The following KDELR2 variants were observed in gnomAD, a reference collection of about 807,000 sequenced individuals.
The protein encoded by KDELR2 is KDEL endoplasmic reticulum protein retention receptor 2.
Under a neutral mutation model 23.9 loss-of-function variants are expected in KDELR2, and 15 were observed. That is an observed-to-expected ratio of 0.63 (90% CI 0.42 to 0.97). The LOEUF is 0.97. Among genes scored for constraint, KDELR2 ranks in the 50% least tolerant of loss-of-function variants. The probability of loss-of-function intolerance (pLI) is 0.00; values close to 1 mark genes in which losing one functional copy is unlikely to be tolerated. For synonymous variants in KDELR2, 119 were observed against 106.2 expected (o/e 1.12, Z -0.74); for missense variants, 272 against 254.6 (o/e 1.07, Z -0.46).
Position 6,484,136 on chromosome 7 carries a change from G to A in KDELR2, c.-79C>T. On this transcript the variant is annotated 5_prime_UTR_variant, in exon 1 of 5. Coordinates refer to ENST00000258739, the MANE Select transcript of KDELR2 (RefSeq NM_006854.4). ...CTCAGGAGGCGGCGGCCCCTGAGAG[G>A]AAGCGGCGAAGATGGCGAGATCGCC... 1 of 1,127,318 alleles carries A rather than the reference G, an allele frequency of 8.9e-7. No individual in the cohort carries two copies. Among genetic ancestry groups the A allele is most frequent in the Non-Finnish European group, 1.1e-6 (1 of 888,934 alleles). 69.8% of individuals were successfully genotyped at this position (1,127,318 alleles called of 1,614,324 possible).
chr7:6,483,945 C>T, intron 1 of KDELR2, 22 bp downstream of exon 1: 1 of 1,491,158 alleles, frequency 6.7e-7, no homozygotes, highest in African/African-American at 1.4e-5. Context: ...CGAGCCTCTC[C>T]GGGCCTTCCC....
rs906852327 is a variant in KDELR2 at position 6,478,432 on chromosome 7, G to A, written c.92-4148C>T. Among the ~76,000 whole-genome samples, 15 of 151,986 alleles carry A rather than the reference G, an allele frequency of 9.9e-5. No individual in the cohort carries two copies. In the South Asian group the frequency reaches 2.3e-3, roughly 23 times the overall value. On this transcript the variant is annotated intron_variant, in intron 1 of 4. Transcript: ENST00000258739. ...CAAAGCGCTGCCACCACACCTGGCC[G>A]CACTGCTATTTTCATATTCAAATTC...
chr7:6,461,928 T>C lies in KDELR2; in HGVS notation c.*1213A>G, dbSNP rs765921701. 4 of 152,148 alleles carry C rather than the reference T, an allele frequency of 2.6e-5. No homozygotes were observed. Among genetic ancestry groups the C allele is most frequent in the Non-Finnish European group, 5.9e-5 (4 of 68,038 alleles). 9.4% of individuals were successfully genotyped at this position (152,148 alleles called of 1,614,324 possible). Reference sequence around the variant, plus strand: ...TACAGATGATTATGTGAACTTTAAATGTCTGCAGCCCTACAGAGCTTTTGT... The same window carrying C: ...TACAGATGATTATGTGAACTTTAAACGTCTGCAGCCCTACAGAGCTTTTGT... On this transcript the variant is annotated 3_prime_UTR_variant, in exon 5 of 5. Transcript: ENST00000258739.
At chr7:6,481,865 C>G (rs1046629735) in intron 1 of KDELR2, among the ~76,000 whole-genome samples, 3 of 152,178 alleles carry the variant, frequency 2.0e-5, no homozygotes, top group African/African-American at 7.2e-5. Context: ...CTTTGAGTTA[C>G]TAATTGTGCT....
chr7:6,480,524 G>A (rs955413185), intron 1 of KDELR2, among the ~76,000 whole-genome samples: 3 of 152,112 alleles, frequency 2.0e-5, no homozygotes, highest in African/African-American at 4.8e-5. Context: ...GGTCCTTAAA[G>A]GCAGCTGTTC....
In KDELR2 at chr7:6,469,662, C is replaced by A. The variant is rs774809209; in HGVS notation, c.285G>T (p.Val95=). ...CTCCCACAGGGACCACCAGAAACTC[C>A]ACTCGGAAGGTATCATGATTTCCAT... ...TYDGNHDTFR[V]EFLVVPVGGL... The change falls in exon 3 of 5, where the codon GTG becomes GTT. Residue 95 remains valine (V), a synonymous_variant. Coordinates refer to ENST00000258739, the MANE Select transcript of KDELR2 (RefSeq NM_006854.4). The A allele has an allele frequency of 6.2e-7, 1 of 1,614,064 alleles. No homozygotes were observed. Among genetic ancestry groups the A allele is most frequent in the Non-Finnish European group, 8.5e-7 (1 of 1,179,980 alleles).
At chr7:6,475,362 G>C (rs1040253939) in intron 1 of KDELR2, among the ~76,000 whole-genome samples, 1 of 152,178 alleles carries the variant, frequency 6.6e-6, no homozygotes, top group Non-Finnish European at 1.5e-5. Context: ...AGGAGGCTGA[G>C]GCTGAGTGAG....
chr7:6,465,954 G>C, intron 4 of KDELR2, 117 bp downstream of exon 4: 4 of 1,046,552 alleles, frequency 3.8e-6, no homozygotes, highest in Non-Finnish European at 5.6e-6. Context: ...GGCCAATCAT[G>C]AAAGTGTTTC....
intron 4 of KDELR2, among the ~76,000 whole-genome samples, chr7:6,463,583 T>A (rs916790194): frequency 6.6e-6 from 1 of 150,760 alleles, no homozygotes; most frequent in Non-Finnish European, 1.5e-5. Context: ...AAAAAAAAAA[T>A]TTTAAAAAGA....
intron 3 of KDELR2, among the ~76,000 whole-genome samples, chr7:6,468,045 G>A (rs1378143296): frequency 6.6e-6 from 1 of 152,210 alleles, no homozygotes; most frequent in East Asian, 1.9e-4. Context: ...GGGAGACCTT[G>A]TTCTTCCCAC....
intron 1 of KDELR2, among the ~76,000 whole-genome samples, chr7:6,478,949 C>T (rs546025681): frequency 2.0e-5 from 3 of 152,050 alleles, no homozygotes; most frequent in East Asian, 1.9e-4. Flanking sequence ...CCACCACGCC[C>T]GGGTAACTTT....
At chr7:6,478,445 C>A (rs938391698) in intron 1 of KDELR2, among the ~76,000 whole-genome samples, 1 of 152,128 alleles carries the variant, frequency 6.6e-6, no homozygotes, top group African/African-American at 2.4e-5. Flanking sequence ...CTGCTATTTT[C>A]ATATTCAAAT....
chr7:6,483,272 G>T (rs538635482), intron 1 of KDELR2, among the ~76,000 whole-genome samples: 1 of 152,332 alleles, frequency 6.6e-6, no homozygotes, highest in African/African-American at 2.4e-5. Context: ...TTAAAAACCA[G>T]ATCGTTTCCC....
At chr7:6,469,887 TTAAA>T in intron 2 of KDELR2, 133 bp from the exon 3 acceptor site, 1 of 719,482 alleles carries the variant, frequency 1.4e-6, no homozygotes, top group Non-Finnish European at 2.2e-6. Context: ...ATTTTAAAAC[TTAAA>T]TATAGTAAAA....
At chr7:6,475,400 T>C (rs1255417726) in intron 1 of KDELR2, among the ~76,000 whole-genome samples, 1 of 152,176 alleles carries the variant, frequency 6.6e-6, no homozygotes, top group Non-Finnish European at 1.5e-5. Flanking sequence ...CACTCTAGCC[T>C]GGGTGACAGA....
intron 1 of KDELR2, among the ~76,000 whole-genome samples, chr7:6,482,175 T>C (rs1488265560): frequency 6.6e-6 from 1 of 152,102 alleles, no homozygotes; most frequent in Non-Finnish European, 1.5e-5. Context: ...GCTAATTTTG[T>C]ATTTTTAGTA....
intron 1 of KDELR2, among the ~76,000 whole-genome samples, chr7:6,478,163 GTT>G (rs921914501): frequency 5.4e-5 from 8 of 147,840 alleles, no homozygotes; most frequent in Non-Finnish European, 1.2e-4. Context: ...CCGCCCCCCG[GTT>G]TTTTTTTTGA....
In KDELR2 at chr7:6,481,969, GTTTATTTATTTATTTATTTA is replaced by G. The variant is rs66801708; in HGVS notation, c.91+1978_91+1997del. ...ACAATAGCACCTACCTCCTAAGGTC[GTTTATTTATTTATTTATTTA>G]TTTATTTATTTATTTATTTATTTAT... is the stretch of plus-strand genomic sequence containing the variant. On this transcript the variant is annotated intron_variant, in intron 1 of 4. Transcript: ENST00000258739. 1.8e-3 allele frequency among the ~76,000 whole-genome samples: 266 copies of G among 147,384 alleles called. 1 individual carries two copies. The highest frequency in any genetic ancestry group is 4.4e-3 in the African/African-American group (174 of 39,644).
Position 6,466,241 on chromosome 7 carries a change from T to A in KDELR2, c.434A>T (p.Glu145Val). ...LFMISKTGEA[E>V]TITTHYLFFL... ...GAACAGGTAGTGGGTGGTGATGGTC[T>A]CGGCCTCCCCAGTCTTGCTGATCAT... The change falls in exon 4 of 5, where the codon GAG (glutamate) becomes GTG (valine). Residue 145 changes from glutamate to valine, a missense_variant. Transcript: ENST00000258739. 1.2e-6 allele frequency: 2 copies of A among 1,614,142 alleles called. No homozygotes were observed. Among genetic ancestry groups the A allele is most frequent in the Non-Finnish European group, 1.7e-6 (2 of 1,180,004 alleles).
Sources: allele counts gnomAD v4.1 joint callset (sites outside exome capture counted in the v4.1 genomes callset), GRCh38; gene constraint gnomAD v4.1.1; transcripts MANE v1.5; gene names NCBI Gene and HGNC (gene_info 2026-07-23, HGNC 2026-07-21).